The following GRIK1 variants were observed in gnomAD, a reference collection of about 807,000 sequenced individuals.
GRIK1 encodes the protein glutamate receptor ionotropic, kainate 1.
Under a neutral mutation model 105.7 loss-of-function variants are expected in GRIK1, and 69 were observed. The ratio of observed to expected loss-of-function variants is 0.65; its 90% CI spans 0.54 to 0.80. GRIK1 has a LOEUF of 0.80. Ranked by LOEUF, GRIK1 falls within the 30% of genes least tolerant of loss-of-function variation. The probability of loss-of-function intolerance (pLI) is 0.00; values close to 1 mark genes in which losing one functional copy is unlikely to be tolerated. For missense variants in GRIK1, 1,109 were observed against 1,167.3 expected (o/e 0.95, Z 0.73); for synonymous variants, 438 against 431.3 (o/e 1.02, Z -0.19).
rs577005866 is a variant in GRIK1 at position 29,710,417 on chromosome 21, T to C, written c.119-16354A>G. On this transcript the variant is annotated intron_variant, in intron 1 of 17. Coordinates refer to ENST00000327783, the MANE Select transcript of GRIK1 (RefSeq NM_001330994.2). The stretch of plus-strand genomic sequence containing the variant: ...TAAAGGATAGTTTTCTATCCTGTCC[T>C]GGAAAAGTGTAGAAATTCCATTCAG... 7.2e-3 allele frequency among the ~76,000 whole-genome samples: 1,102 copies of C among 152,232 alleles called. 16 individuals carry two copies. The highest frequency in any genetic ancestry group is 0.025 in the African/African-American group (1,057 of 41,556).
At chr21:29,743,028 C>A (rs1439934405) in intron 1 of GRIK1, among the ~76,000 whole-genome samples, 3 of 151,614 alleles carry the variant, frequency 2.0e-5, no homozygotes, top group African/African-American at 4.8e-5. Context: ...TGGGGCTAGT[C>A]CCTTCCTCAC....
At chr21:29,656,851 A>T (rs2062864387) in intron 4 of GRIK1, among the ~76,000 whole-genome samples, 1 of 152,236 alleles carries the variant, frequency 6.6e-6, no homozygotes, top group Non-Finnish European at 1.5e-5. Context: ...AAACCAGAGG[A>T]ATATTTAGTG....
At chr21:29,602,291 C>T (rs1353647660) in intron 7 of GRIK1, among the ~76,000 whole-genome samples, 1 of 152,156 alleles carries the variant, frequency 6.6e-6, no homozygotes, top group African/African-American at 2.4e-5. Flanking sequence ...TTGTTATACT[C>T]AAATTTCAAT....
chr21:29,814,699 C>T (rs1206329302), intron 1 of GRIK1, among the ~76,000 whole-genome samples: 1 of 152,128 alleles, frequency 6.6e-6, no homozygotes, highest in African/African-American at 2.4e-5. Flanking sequence ...AAATAAGTTG[C>T]ACAGAAATTC....
chr21:29,688,162 C>A (rs547943355), intron 3 of GRIK1, among the ~76,000 whole-genome samples: 2 of 152,254 alleles, frequency 1.3e-5, no homozygotes, highest in East Asian at 3.9e-4. Flanking sequence ...GTAGCTTATT[C>A]TTCTTGATGG....
At chr21:29,593,442 C>G (rs2061360581) in intron 9 of GRIK1, among the ~76,000 whole-genome samples, 2 of 152,144 alleles carry the variant, frequency 1.3e-5, no homozygotes, top group South Asian at 4.2e-4. Context: ...TTCTCAATCT[C>G]CATCCCTTCT....
chr21:29,549,988 A>C (rs899470542), intron 16 of GRIK1, among the ~76,000 whole-genome samples: 1 of 151,774 alleles, frequency 6.6e-6, no homozygotes, highest in African/African-American at 2.4e-5. Flanking sequence ...CACGCCTGCA[A>C]TCCCAGCTAC....
chr21:29,753,318 T>A (rs1489631503), intron 1 of GRIK1, among the ~76,000 whole-genome samples: 1 of 152,092 alleles, frequency 6.6e-6, no homozygotes, highest in South Asian at 2.1e-4. Context: ...AGGTGAGAGG[T>A]AATTAATGGG....
At chr21:29,796,504 C>A (rs569399351) in intron 1 of GRIK1, among the ~76,000 whole-genome samples, 1 of 151,808 alleles carries the variant, frequency 6.6e-6, no homozygotes, top group South Asian at 2.1e-4. Context: ...TATTCTATTG[C>A]GTATCATATA....
At chr21:29,538,178 A>G (rs2089912797) in intron 16 of GRIK1, among the ~76,000 whole-genome samples, 1 of 152,210 alleles carries the variant, frequency 6.6e-6, no homozygotes, top group South Asian at 2.1e-4. Context: ...TCATTTTTCT[A>G]GCCAAGATAA....
intron 3 of GRIK1, among the ~76,000 whole-genome samples, chr21:29,685,743 T>C (rs2063475588): frequency 6.6e-6 from 1 of 152,202 alleles, no homozygotes; most frequent in African/African-American, 2.4e-5. Context: ...CTGACTACTT[T>C]GAACTGAAAA....
In GRIK1 at chr21:29,758,061, A is replaced by T. The variant is rs529857715; in HGVS notation, c.119-63998T>A. ...AAGGTGGGAAGGGGTAGCATGTTCC[A>T]TGTTAGAGATCTTCCACCTTTCAGC... On this transcript the variant is annotated intron_variant, in intron 1 of 17. Transcript: ENST00000327783. 6.6e-5 allele frequency among the ~76,000 whole-genome samples: 10 copies of T among 152,334 alleles called. No individual in the cohort carries two copies. In the South Asian group the frequency reaches 2.1e-3, roughly 32 times the overall value.
chr21:29,595,869 G>A (rs1426996465), intron 9 of GRIK1, among the ~76,000 whole-genome samples: 1 of 152,154 alleles, frequency 6.6e-6, no homozygotes, highest in Non-Finnish European at 1.5e-5. Flanking sequence ...TGGCAACATG[G>A]CACTGTATAA....
intron 7 of GRIK1, among the ~76,000 whole-genome samples, chr21:29,634,647 C>T (rs1409156009): frequency 6.6e-6 from 1 of 152,090 alleles, no homozygotes; most frequent in Non-Finnish European, 1.5e-5. Context: ...ATGTTAAGTG[C>T]TAACATAAAG....
chr21:29,736,078 T>C (rs1394614437), intron 1 of GRIK1, among the ~76,000 whole-genome samples: 1 of 152,162 alleles, frequency 6.6e-6, no homozygotes, highest in Non-Finnish European at 1.5e-5. Context: ...ACTGTGCTCA[T>C]AGAATATTTG....
intron 1 of GRIK1, among the ~76,000 whole-genome samples, chr21:29,903,263 A>G (rs965837679): frequency 6.6e-6 from 1 of 152,240 alleles, no homozygotes; most frequent in African/African-American, 2.4e-5. Flanking sequence ...GATGGCAACA[A>G]AAGCCAAAAT....
chr21:29,852,455 G>A (rs1335489109), intron 1 of GRIK1, among the ~76,000 whole-genome samples: 2 of 152,044 alleles, frequency 1.3e-5, no homozygotes, highest in Admixed American at 6.6e-5. Flanking sequence ...GCAACTTCCA[G>A]CTAAACTTCA....
intron 2 of GRIK1, 129 bp downstream of exon 2, chr21:29,693,767 G>A: frequency 1.5e-6 from 1 of 681,848 alleles, no homozygotes; most frequent in Non-Finnish European, 2.6e-6. Context: ...TGACATCGAA[G>A]ACCCAGATTT....
chr21:29,888,184 C>CTTTCTTTTT (rs1301166060), intron 1 of GRIK1, among the ~76,000 whole-genome samples: 1 of 64,802 alleles, frequency 1.5e-5, no homozygotes, highest in Non-Finnish European at 2.7e-5. Context: ...TTTCTTTCTT[C>CTTTCTTTTT]CTTTCTTTCT....
Sources: gnomAD v4.1 joint callset for allele counts (sites outside exome capture counted in the v4.1 genomes callset) on GRCh38, gnomAD v4.1.1 for gene constraint, MANE v1.5 for transcripts, NCBI Gene and HGNC (gene_info 2026-07-23, HGNC 2026-07-21) for gene names.